Variants in MSRA observed in about 807,000 individuals in gnomAD.
The protein encoded by MSRA is mitochondrial peptide methionine sulfoxide reductase.
A neutral mutation model predicts 31.3 loss-of-function variants in MSRA; 54 were observed. That is an observed-to-expected ratio of 1.73 (90% CI 1.39 to 2.17). The LOEUF (loss-of-function observed/expected upper bound fraction) is 2.17. MSRA is among the 30% of genes most tolerant of loss of function. MSRA has a pLI of 0.00. For synonymous variants in MSRA, 169 were observed against 116.5 expected, an observed-to-expected ratio of 1.45 and a Z score of -2.90; for missense variants, 507 against 300.9, an observed-to-expected ratio of 1.69 and a Z score of -5.07.
At chr8:10,335,166 A>T (rs1802955509) in intron 5 of MSRA, among the ~76,000 whole-genome samples, 2 of 151,230 alleles carry the variant, frequency 1.3e-5, no homozygotes, top group South Asian at 2.1e-4. Context: ...TCTCCATGGA[A>T]TGGGAAGCAG....
At chr8:10,370,137 C>G (rs1805395659) in intron 5 of MSRA, among the ~76,000 whole-genome samples, 1 of 152,168 alleles carries the variant, frequency 6.6e-6, no homozygotes, top group Admixed American at 6.5e-5. Flanking sequence ...AAAATGCTTC[C>G]ACATGTCATT....
intron 1 of MSRA, among the ~76,000 whole-genome samples, chr8:10,193,288 G>A (rs1046189751): frequency 9.9e-5 from 15 of 152,206 alleles, no homozygotes; most frequent in African/African-American, 3.4e-4. Context: ...TTCAGCGCAT[G>A]GCTTTATGGA....
At chr8:10,224,890 A>T (rs952349123) in intron 2 of MSRA, among the ~76,000 whole-genome samples, 1 of 152,190 alleles carries the variant, frequency 6.6e-6, no homozygotes, top group African/African-American at 2.4e-5. Context: ...GTGGGCTCAC[A>T]CCTGTAATGC....
intron 1 of MSRA, among the ~76,000 whole-genome samples, chr8:10,083,855 C>T (rs11996848): frequency 3.3e-5 from 5 of 152,094 alleles, no homozygotes; most frequent in African/African-American, 1.2e-4. Flanking sequence ...AAATGTATTG[C>T]TTAATTTTAA....
At chr8:10,358,782 C>T (rs897851797) in intron 5 of MSRA, among the ~76,000 whole-genome samples, 5 of 147,998 alleles carry the variant, frequency 3.4e-5, no homozygotes, top group Admixed American at 6.7e-5. Flanking sequence ...TTAGTAGAGA[C>T]GGGGTTTCAC....
intron 5 of MSRA, among the ~76,000 whole-genome samples, chr8:10,387,596 G>A (rs1806473336): frequency 6.6e-6 from 1 of 152,160 alleles, no homozygotes; most frequent in South Asian, 2.1e-4. Flanking sequence ...TCTTAGCGCT[G>A]GTGGATTGTG....
At chr8:10,340,857 G>C (rs888206998) in intron 5 of MSRA, among the ~76,000 whole-genome samples, 2 of 152,184 alleles carry the variant, frequency 1.3e-5, no homozygotes, top group Admixed American at 6.5e-5. Context: ...CTGTTCACTT[G>C]GTCCCTACTT....
chr8:10,347,473 C>T (rs779782042), intron 5 of MSRA, among the ~76,000 whole-genome samples: 1 of 152,224 alleles, frequency 6.6e-6, no homozygotes, highest in Non-Finnish European at 1.5e-5. Flanking sequence ...TTGCCCCCTG[C>T]AGCTATCAGT....
rs78356051 is a variant in MSRA at position 10,197,846 on chromosome 8, G to A, written c.143-9987G>A. ...AAGTCCCCGAACAGCTTGAGTGTGCGTCACTTGGGGCAGTTTCTTAGCTAG... is the reference window on the plus strand; with the variant it reads ...AAGTCCCCGAACAGCTTGAGTGTGCATCACTTGGGGCAGTTTCTTAGCTAG... On this transcript the variant is annotated intron_variant, in intron 1 of 5. Coordinates refer to ENST00000317173, the MANE Select transcript of MSRA (RefSeq NM_012331.5). 7.8e-3 allele frequency among the ~76,000 whole-genome samples: 1,183 copies of A among 152,296 alleles called. 16 individuals are homozygous for A. Among genetic ancestry groups the A allele is most frequent in the African/African-American group, 0.023 (943 of 41,560 alleles).
chr8:10,129,840 G>C (rs1801770412), intron 1 of MSRA, among the ~76,000 whole-genome samples: 1 of 47,386 alleles, frequency 2.1e-5, no homozygotes, highest in Non-Finnish European at 4.7e-5. Context: ...GCACAGGGTT[G>C]ACATTCAGCA....
At chr8:10,278,237 C>A (rs535994210) in intron 3 of MSRA, among the ~76,000 whole-genome samples, 1 of 152,078 alleles carries the variant, frequency 6.6e-6, no homozygotes, top group Non-Finnish European at 1.5e-5. Context: ...TTCTGGAGTA[C>A]CTTCGGGTCT....
At chr8:10,199,554 G>A (rs530514589) in intron 1 of MSRA, among the ~76,000 whole-genome samples, 1 of 151,928 alleles carries the variant, frequency 6.6e-6, no homozygotes, top group Non-Finnish European at 1.5e-5. Flanking sequence ...TCTTGACCTC[G>A]TGATCTGCCC....
At chr8:10,120,341 T>A (rs1372438700) in intron 1 of MSRA, among the ~76,000 whole-genome samples, 3 of 151,992 alleles carry the variant, frequency 2.0e-5, no homozygotes, top group African/African-American at 4.8e-5. Context: ...TGAGCAAGAG[T>A]GCTTTTTCTG....
At chr8:10,126,777 G>T (rs998376737) in intron 1 of MSRA, among the ~76,000 whole-genome samples, 3 of 152,238 alleles carry the variant, frequency 2.0e-5, no homozygotes, top group Admixed American at 6.5e-5. Context: ...GTCTCCCAAA[G>T]TGCTGGGATT....
chr8:10,369,994 T>C (rs1805388281), intron 5 of MSRA, among the ~76,000 whole-genome samples: 1 of 152,230 alleles, frequency 6.6e-6, no homozygotes. Flanking sequence ...GCATGCATGT[T>C]CTGTTCATAT....
At chr8:10,250,543 C>T (rs556838028) in intron 3 of MSRA, 20 of 691,526 alleles carry the variant, frequency 2.9e-5, no homozygotes, top group South Asian at 2.4e-4. Flanking sequence ...GTAAGATTTA[C>T]ACAAGCAGCA....
rs572029674 is a variant in MSRA at position 10,162,787 on chromosome 8, T to C, written c.143-45046T>C. ...CACTGAAACCATTACCATTTGTAGA[T>C]GGGGAAACCAAGGGTCACAGTGGCT... On this transcript the variant is annotated intron_variant, in intron 1 of 5. Transcript: ENST00000317173. 5.2e-4 allele frequency among the ~76,000 whole-genome samples: 79 copies of C among 152,242 alleles called. No individual in the cohort carries two copies. The South Asian group carries it at 0.014, about 28-fold the overall frequency.
intron 3 of MSRA, among the ~76,000 whole-genome samples, chr8:10,275,932 C>T (rs543844711): frequency 6.6e-6 from 1 of 152,206 alleles, no homozygotes; most frequent in African/African-American, 2.4e-5. Context: ...CATAGAAAAT[C>T]ATTAATTGCT....
Position 10,298,462 on chromosome 8 carries a change from C to T in MSRA, c.332-3072C>T, listed in dbSNP as rs534261448. ...AAAGTGGAAAGGGGGTTGCCAGGGC[C>T]CAGTGGGAGCGGGCAAGGGGAGTTG... On this transcript the variant is annotated intron_variant, in intron 3 of 5. Coordinates refer to ENST00000317173, the MANE Select transcript of MSRA (RefSeq NM_012331.5). 3.2e-4 allele frequency among the ~76,000 whole-genome samples: 49 copies of T among 151,266 alleles called. 1 individual carries two copies. Among genetic ancestry groups the T allele is most frequent in the African/African-American group, 1.0e-3 (43 of 41,206 alleles).
Sources: allele counts gnomAD v4.1 joint callset (sites outside exome capture counted in the v4.1 genomes callset), GRCh38; gene constraint gnomAD v4.1.1; transcripts MANE v1.5; gene names NCBI Gene and HGNC (gene_info 2026-07-23, HGNC 2026-07-21).